The following ARMC2 variants were observed in gnomAD, a reference collection of about 807,000 sequenced individuals.
ARMC2 encodes armadillo repeat containing 2, also known as armadillo repeat-containing protein 2.
In ARMC2, 67 loss-of-function variants were observed where a neutral mutation model predicts 90.3. The observed-to-expected ratio is 0.74, with a 90% CI of 0.61 to 0.91. The LOEUF is 0.91. ARMC2 is among the 40% of genes least tolerant of loss of function. The pLI is 0.00. For synonymous variants in ARMC2, 393 were observed against 393.0 expected (o/e 1.00, Z 0.00); for missense variants, 920 against 1,030.9 (o/e 0.89, Z 1.47).
At chr6:108,909,639 G>A (rs547837990) in intron 8 of ARMC2, among the ~76,000 whole-genome samples, 1 of 152,212 alleles carries the variant, frequency 6.6e-6, no homozygotes, top group South Asian at 2.1e-4. Context: ...GGGTTCAAGT[G>A]ATTCTCCTAC....
the ARMC2 span, among the ~76,000 whole-genome samples, chr6:109,041,146 A>T: frequency 1.3e-5 from 2 of 150,824 alleles, no homozygotes; most frequent in Non-Finnish European, 3.0e-5. Flanking sequence ...ATTAAAAAAA[A>T]AAAAAACAAA....
At chr6:108,868,613 A>G (rs1776073281) in intron 3 of ARMC2, among the ~76,000 whole-genome samples, 1 of 152,202 alleles carries the variant, frequency 6.6e-6, no homozygotes, top group Non-Finnish European at 1.5e-5. Flanking sequence ...AGTTAATACA[A>G]TATGATTAAG....
At chr6:109,045,854 TAC>T in the ARMC2 span, among the ~76,000 whole-genome samples, 1,001 of 152,304 alleles carry the variant, frequency 6.6e-3, 11 homozygotes, top group African/African-American at 0.022. Flanking sequence ...CATGGAATGT[TAC>T]ACAGAGTAGA....
At chr6:109,033,455 G>A in the ARMC2 span, among the ~76,000 whole-genome samples, 1 of 152,178 alleles carries the variant, frequency 6.6e-6, no homozygotes, top group Non-Finnish European at 1.5e-5. Context: ...TCAATAGGAT[G>A]ATAAGGTTAT....
intron 6 of ARMC2, among the ~76,000 whole-genome samples, chr6:108,896,475 G>T (rs570936249): frequency 1.3e-5 from 2 of 152,268 alleles, no homozygotes; most frequent in South Asian, 4.1e-4. Context: ...GTAACTCAGG[G>T]ATTGTGTATA....
chr6:109,036,036 A>G, the ARMC2 span, among the ~76,000 whole-genome samples: 21 of 151,620 alleles, frequency 1.4e-4, no homozygotes, highest in Non-Finnish European at 2.5e-4. Context: ...AACCCTCAAG[A>G]CTCCCCACCA....
chr6:109,012,977 G>A, the ARMC2 span, among the ~76,000 whole-genome samples: 38 of 152,038 alleles, frequency 2.5e-4, no homozygotes, highest in Admixed American at 5.2e-4. Context: ...TTAGCTGGGC[G>A]TGGTGGTGTG....
At chr6:109,041,909 G>A in the ARMC2 span, among the ~76,000 whole-genome samples, 3 of 152,090 alleles carry the variant, frequency 2.0e-5, no homozygotes, top group African/African-American at 7.2e-5. Context: ...CTTTTAGCAT[G>A]CTCAGGGAAT....
At chr6:109,001,440 C>T in the ARMC2 span, 1 of 1,613,810 alleles carries the variant, frequency 6.2e-7, no homozygotes, top group South Asian at 1.1e-5. Context: ...GCAAAAGAAT[C>T]TGCAAATAAA....
At chr6:108,925,139 G>A (rs183023047) in intron 10 of ARMC2, among the ~76,000 whole-genome samples, 3 of 152,300 alleles carry the variant, frequency 2.0e-5, no homozygotes, top group East Asian at 1.9e-4. Context: ...AAGAGGAAGC[G>A]ACTGATCGGC....
intron 1 of ARMC2, among the ~76,000 whole-genome samples, chr6:108,851,678 C>T (rs1225967476): frequency 6.6e-6 from 1 of 152,062 alleles, no homozygotes; most frequent in Non-Finnish European, 1.5e-5. Flanking sequence ...TGGTGGCTCA[C>T]ACCTGTAATC....
intron 11 of ARMC2, among the ~76,000 whole-genome samples, chr6:108,934,452 T>C (rs1775806110): frequency 6.6e-6 from 1 of 152,212 alleles, no homozygotes; most frequent in Admixed American, 6.5e-5. Context: ...CATTGACCTG[T>C]ATTTTTCTCT....
intron 5 of ARMC2, among the ~76,000 whole-genome samples, chr6:108,879,558 G>A (rs933401776): frequency 4.8e-4 from 5 of 10,406 alleles, no homozygotes; most frequent in African/African-American, 1.2e-3. Flanking sequence ...ACCCACCCAC[G>A]CAGTCATCCA....
chr6:108,931,236 A>C (rs1314034187), intron 11 of ARMC2, among the ~76,000 whole-genome samples: 1 of 151,872 alleles, frequency 6.6e-6, no homozygotes, highest in Non-Finnish European at 1.5e-5. Context: ...ATCCATGTTC[A>C]CGCATAAGAC....
chr6:108,936,734 G>A (rs1478447416), intron 11 of ARMC2, among the ~76,000 whole-genome samples, 166 bp from the exon 12 acceptor site: 1 of 152,202 alleles, frequency 6.6e-6, no homozygotes, highest in Non-Finnish European at 1.5e-5. Flanking sequence ...TGTAGAGCAG[G>A]AAGCCTCCTT....
chr6:108,879,913 C>G, intron 5 of ARMC2: 1 of 470,320 alleles, frequency 2.1e-6, no homozygotes, highest in Non-Finnish European at 4.4e-6. Flanking sequence ...CTCTTTTACT[C>G]CCATCTCCTT....
chr6:108,955,442 C>T lies in ARMC2; in HGVS notation c.1915+2091C>T, dbSNP rs930336420. Among the ~76,000 whole-genome samples, 8 of 152,246 alleles carry T rather than the reference C, an allele frequency of 5.3e-5. No individual in the cohort carries two copies. In the East Asian group the frequency reaches 7.7e-4, roughly 15 times the overall value. On this transcript the variant is annotated intron_variant, in intron 13 of 17. Coordinates refer to ENST00000392644, the MANE Select transcript of ARMC2 (RefSeq NM_032131.6). ...GTTACCTCACAACAATGTCAGGGCA[C>T]GTTTTTGTTATTTTCATCATTTCAC...
At position 108,868,900 on chromosome 6, in the gene ARMC2, C is replaced by A. The variant is rs372533595; in HGVS notation, c.368C>A (p.Ala123Glu). The stretch of plus-strand genomic sequence containing the variant: ...TTTCCTAAGCCCCCAGTGGACCCTG[C>A]GAAGATTAGAAGAGTAAGCAACGCC... ...FSFPKPPVDP[A>E]KIRRVSNARA... The change falls in exon 4 of 18, where the codon GCG (alanine) becomes GAG (glutamate). Residue 123 changes from alanine to glutamate, a missense_variant. Transcript: ENST00000392644. 1.9e-6 allele frequency: 3 copies of A among 1,613,858 alleles called. No individual in the cohort carries two copies. In the African/African-American group the frequency reaches 4.0e-5, roughly 22 times the overall value.
At chr6:109,016,944 C>T in the ARMC2 span, among the ~76,000 whole-genome samples, 15,194 of 151,900 alleles carry the variant, frequency 0.1, 913 homozygotes, top group Middle Eastern at 0.19. Context: ...GAGGGTAACA[C>T]TCTTAATTTG....
Sources: allele counts gnomAD v4.1 joint callset (sites outside exome capture counted in the v4.1 genomes callset), GRCh38; gene constraint gnomAD v4.1.1; transcripts MANE v1.5; gene names NCBI Gene and HGNC (gene_info 2026-07-23, HGNC 2026-07-21).